The following KCNMA1 variants were observed in gnomAD, a reference collection of about 807,000 sequenced individuals.
KCNMA1 encodes potassium calcium-activated channel subfamily M alpha 1, also known as Calcium-activated potassium channel subunit alpha-1.
KCNMA1 carries 29 observed loss-of-function variants against 140.0 expected under a neutral mutation model. The ratio of observed to expected loss-of-function variants is 0.21; its 90% confidence interval spans 0.15 to 0.28. The LOEUF (loss-of-function observed/expected upper bound fraction) is 0.28, where lower values mean the gene tolerates loss of function less well. Ranked by LOEUF, KCNMA1 falls within the 10% of genes least tolerant of loss-of-function variation. The probability of loss-of-function intolerance (pLI) is 1.00; values close to 1 mark genes in which losing one functional copy is unlikely to be tolerated. For missense variants in KCNMA1, 880 were observed against 1,602.2 expected (o/e 0.55, Z 7.70); for synonymous variants, 612 against 611.9 (o/e 1.00, Z 0.00).
chr10:76,935,441 G>A (rs1414579902), intron 23 of KCNMA1, among the ~76,000 whole-genome samples: 1 of 152,166 alleles, frequency 6.6e-6, no homozygotes, highest in Non-Finnish European at 1.5e-5. Context: ...TCAGATGTTT[G>A]GAGATCAACT....
Position 76,979,059 on chromosome 10 carries a change from C to T in KCNMA1, c.2267-8992G>A, listed in dbSNP as rs534459531. On this transcript the variant is annotated intron_variant, in intron 19 of 27. Transcript: ENST00000286628. ...CCCAGGGCAAAAGCTTCTCTCACCT[C>T]GCCCAATTTCCAGCCCTGAACACCA... Among the ~76,000 whole-genome samples, 29 of 152,290 alleles carry T rather than the reference C, an allele frequency of 1.9e-4. No individual in the cohort carries two copies. In the East Asian group the frequency reaches 2.5e-3, roughly 13 times the overall value.
chr10:77,330,132 G>A (rs949598398), intron 2 of KCNMA1, among the ~76,000 whole-genome samples: 14 of 152,232 alleles, frequency 9.2e-5, no homozygotes, highest in Middle Eastern at 6.8e-3. Context: ...GACATATCAC[G>A]TAAGATCTGA....
At chr10:77,564,048 G>A (rs1238019217) in intron 1 of KCNMA1, among the ~76,000 whole-genome samples, 1 of 152,246 alleles carries the variant, frequency 6.6e-6, no homozygotes, top group East Asian at 1.9e-4. Context: ...ACATGGCACA[G>A]TGCCAGGCAG....
intron 5 of KCNMA1, among the ~76,000 whole-genome samples, chr10:77,141,957 T>C (rs1264992111): frequency 2.0e-5 from 3 of 152,252 alleles, no homozygotes; most frequent in Non-Finnish European, 4.4e-5. Context: ...ACTGGGTATT[T>C]GCTGATTAAC....
chr10:77,370,837 A>T (rs1408672097), intron 2 of KCNMA1, among the ~76,000 whole-genome samples: 1 of 152,176 alleles, frequency 6.6e-6, no homozygotes, highest in African/African-American at 2.4e-5. Flanking sequence ...TGACCTTGAA[A>T]AAGTAGAGTC....
At chr10:77,429,428 G>A (rs2097100196) in intron 1 of KCNMA1, among the ~76,000 whole-genome samples, 1 of 152,124 alleles carries the variant, frequency 6.6e-6, no homozygotes, top group African/African-American at 2.4e-5. Context: ...CAACTAAAAT[G>A]TCTCCCAACA....
intron 19 of KCNMA1, among the ~76,000 whole-genome samples, chr10:76,983,695 C>G (rs946819407): frequency 6.7e-6 from 1 of 150,162 alleles, no homozygotes; most frequent in African/African-American, 2.5e-5. Flanking sequence ...CAACTGCACT[C>G]CAGCCTGGAT....
At chr10:77,363,061 G>A (rs1374745075) in intron 2 of KCNMA1, among the ~76,000 whole-genome samples, 4 of 152,142 alleles carry the variant, frequency 2.6e-5, no homozygotes, top group South Asian at 2.1e-4. Context: ...TCAAGTCCTC[G>A]TGCTGTCAAG....
chr10:77,168,513 C>T (rs986274635), intron 5 of KCNMA1, among the ~76,000 whole-genome samples: 2 of 152,252 alleles, frequency 1.3e-5, no homozygotes, highest in South Asian at 4.2e-4. Context: ...CTGAATACTG[C>T]AAGCAACTGT....
intron 6 of KCNMA1, among the ~76,000 whole-genome samples, chr10:77,119,855 T>A (rs552204036): frequency 6.6e-6 from 1 of 152,312 alleles, no homozygotes; most frequent in South Asian, 2.1e-4. Flanking sequence ...CACAGTCACA[T>A]AGATGAGCAG....
At chr10:77,160,848 T>A (rs2098546623) in intron 5 of KCNMA1, among the ~76,000 whole-genome samples, 1 of 152,214 alleles carries the variant, frequency 6.6e-6, no homozygotes, top group African/African-American at 2.4e-5. Context: ...ATATGTTATG[T>A]TCCCTTGGCA....
At chr10:77,566,871 C>T (rs867029843) in intron 1 of KCNMA1, among the ~76,000 whole-genome samples, 4 of 144,894 alleles carry the variant, frequency 2.8e-5, no homozygotes, top group South Asian at 4.4e-4. Context: ...AAGAGAGAAA[C>T]GGAGAAAAAG....
intron 2 of KCNMA1, among the ~76,000 whole-genome samples, chr10:77,385,279 T>C (rs2095561543): frequency 6.6e-6 from 1 of 152,238 alleles, no homozygotes; most frequent in Non-Finnish European, 1.5e-5. Context: ...GGTTCAAGGT[T>C]GTTTCAGCCC....
intron 1 of KCNMA1, among the ~76,000 whole-genome samples, chr10:77,550,668 G>C (rs117759547): frequency 0.016 from 2,372 of 152,322 alleles, 25 homozygotes; most frequent in Non-Finnish European, 0.025. Context: ...AGCAAGGCTT[G>C]GGGGAGTGGC....
intron 3 of KCNMA1, among the ~76,000 whole-genome samples, chr10:77,230,196 C>T (rs1482232056): frequency 6.6e-6 from 1 of 152,096 alleles, no homozygotes; most frequent in Admixed American, 6.5e-5. Context: ...ACACAAAGGT[C>T]GCAAATATAT....
intron 5 of KCNMA1, among the ~76,000 whole-genome samples, chr10:77,155,098 A>G (rs1231208965): frequency 2.0e-5 from 3 of 152,194 alleles, no homozygotes; most frequent in African/African-American, 7.2e-5. Context: ...CTCTAAGGCC[A>G]TGGCAGGCTT....
intron 1 of KCNMA1, among the ~76,000 whole-genome samples, chr10:77,600,075 T>G (rs1411928689): frequency 2.0e-5 from 3 of 152,102 alleles, no homozygotes; most frequent in African/African-American, 7.2e-5. Flanking sequence ...ATCGCATCAT[T>G]TTTTCAGGAT....
intron 23 of KCNMA1, among the ~76,000 whole-genome samples, chr10:76,941,162 G>A (rs1468728484): frequency 5.0e-5 from 4 of 80,052 alleles, no homozygotes; most frequent in Non-Finnish European, 1.2e-4. Context: ...AGGGAGGGAA[G>A]GGAAGGAAGG....
chr10:77,453,163 G>A (rs2097694765), intron 1 of KCNMA1, among the ~76,000 whole-genome samples: 2 of 152,024 alleles, frequency 1.3e-5, no homozygotes, highest in Admixed American at 6.6e-5. Context: ...TTTGCATAGA[G>A]TCTAGCTTGG....
Sources: allele counts gnomAD v4.1 joint callset (sites outside exome capture counted in the v4.1 genomes callset), GRCh38; gene constraint gnomAD v4.1.1; transcripts MANE v1.5; gene names NCBI Gene and HGNC (gene_info 2026-07-23, HGNC 2026-07-21).